Variants in AGAP1 observed in about 807,000 individuals in gnomAD.
AGAP1 encodes the protein arf-GAP with GTPase, ANK repeat and PH domain-containing protein 1.
AGAP1 carries 29 observed loss-of-function variants against 105.3 expected under a neutral mutation model. The ratio of observed to expected loss-of-function variants is 0.28; its 90% CI spans 0.21 to 0.38. The LOEUF (loss-of-function observed/expected upper bound fraction) is 0.38, where lower values mean the gene tolerates loss of function less well. Ranked by LOEUF, AGAP1 falls within the 10% of genes least tolerant of loss-of-function variation. The pLI is 1.00. For synonymous variants in AGAP1, 509 were observed against 485.9 expected, an observed-to-expected ratio of 1.05 and a Z score of -0.63; for missense variants, 998 against 1,165.1, an observed-to-expected ratio of 0.86 and a Z score of 2.09.
In AGAP1 at chr2:236,016,722, G is replaced by A. The variant is rs553919210; in HGVS notation, c.1646-19839G>A. On this transcript the variant is annotated intron_variant, in intron 13 of 17. Transcript: ENST00000304032. ...GGGTGGAGAGCGTGAATTCCTCTCT[G>A]AAATCTGTCAGTACTGGATAGCACT... Among the ~76,000 whole-genome samples the A allele has an allele frequency of 5.3e-5, 8 of 152,242 alleles. No homozygotes were observed. In the East Asian group the frequency reaches 1.5e-3, roughly 29 times the overall value.
chr2:236,056,067 A>G lies in AGAP1; in HGVS notation c.2114+6786A>G, dbSNP rs2058044031. Among the ~76,000 whole-genome samples, 1 of 152,238 alleles carries G rather than the reference A, an allele frequency of 6.6e-6. No individual in the cohort carries two copies. The highest frequency in any genetic ancestry group is 1.5e-5 in the Non-Finnish European group (1 of 68,042). On this transcript the variant is annotated intron_variant, in intron 16 of 17. Transcript: ENST00000304032. The surrounding 1 kb of genome is among the most constrained non-coding windows in gnomAD (Gnocchi z 4.6). ...GCAATGCATCTAGTGAACCTCCACC[A>G]GGGAGCTTGGTGGGAATCCAGGCAA...
intron 11 of AGAP1, among the ~76,000 whole-genome samples, chr2:235,924,309 G>T (rs1042243389): frequency 2.6e-5 from 4 of 152,024 alleles, no homozygotes; most frequent in Admixed American, 1.3e-4. Context: ...GCAGCGGTGG[G>T]CTCCCTGACC....
At chr2:235,909,304 A>T (rs1367194662) in intron 11 of AGAP1, among the ~76,000 whole-genome samples, 1 of 152,188 alleles carries the variant, frequency 6.6e-6, no homozygotes, top group African/African-American at 2.4e-5. Flanking sequence ...TTCAGAGGAA[A>T]CCATTTGACC....
chr2:236,084,925 A>AT (rs1308573454), intron 16 of AGAP1, among the ~76,000 whole-genome samples: 1 of 151,162 alleles, frequency 6.6e-6, no homozygotes, highest in Non-Finnish European at 1.5e-5. Context: ...ATAAAATAAG[A>AT]TTTTTTAGGC....
Position 235,549,402 on chromosome 2 carries a change from C to A in AGAP1, c.163+54553C>A, listed in dbSNP as rs1157677624. ...TCCTGTCAGAGGACCCCAGAGAGCT[C>A]CCCCAGCTACTTGGAGAGATGCTGT... On this transcript the variant is annotated intron_variant, in intron 1 of 17. Transcript: ENST00000304032. The surrounding 1 kb of genome is among the most constrained non-coding windows in gnomAD (Gnocchi z 4.2). Among the ~76,000 whole-genome samples the A allele has an allele frequency of 6.6e-6, 1 of 152,110 alleles. No homozygotes were observed. Among genetic ancestry groups the A allele is most frequent in the African/African-American group, 2.4e-5 (1 of 41,430 alleles).
chr2:235,935,331 T>G (rs534521179), intron 12 of AGAP1, among the ~76,000 whole-genome samples: 1 of 152,308 alleles, frequency 6.6e-6, no homozygotes, highest in East Asian at 1.9e-4. Context: ...CTGAGCGTAA[T>G]TTTTTAAATG....
Position 235,979,903 on chromosome 2 carries a change from A to G in AGAP1, c.1645+11280A>G, listed in dbSNP as rs544417678. Among the ~76,000 whole-genome samples, 3 of 152,310 alleles carry G rather than the reference A, an allele frequency of 2.0e-5. No homozygotes were observed. Among genetic ancestry groups the G allele is most frequent in the Non-Finnish European group, 4.4e-5 (3 of 68,026 alleles). On this transcript the variant is annotated intron_variant, in intron 13 of 17. Coordinates refer to ENST00000304032, the MANE Select transcript of AGAP1 (RefSeq NM_001037131.3). The surrounding 1 kb of genome is among the most constrained non-coding windows in gnomAD (Gnocchi z 4.5). ...TCTTAAAAGTGCCTTTCTAGTTGCC[A>G]CACAGTGATGTGATCATTATCTGCC...
intron 1 of AGAP1, among the ~76,000 whole-genome samples, chr2:235,678,474 G>T (rs1418798851): frequency 2.0e-5 from 3 of 152,308 alleles, no homozygotes; most frequent in Admixed American, 2.0e-4. Flanking sequence ...ATTCTGCTTT[G>T]GAAGAAGCTG....
intron 1 of AGAP1, among the ~76,000 whole-genome samples, chr2:235,619,319 G>T (rs895269954): frequency 3.3e-5 from 5 of 152,032 alleles, no homozygotes; most frequent in Non-Finnish European, 5.9e-5. Context: ...ATCATGAAGT[G>T]GGGGAGCTGG....
At chr2:235,839,986 A>G (rs949899679) in intron 9 of AGAP1, among the ~76,000 whole-genome samples, 2 of 152,242 alleles carry the variant, frequency 1.3e-5, no homozygotes, top group African/African-American at 4.8e-5. Context: ...GAAAATTAAA[A>G]TCTGAAATAA....
At chr2:235,592,129 A>T (rs941101465) in intron 1 of AGAP1, among the ~76,000 whole-genome samples, 7 of 152,238 alleles carry the variant, frequency 4.6e-5, no homozygotes, top group Admixed American at 3.3e-4. Flanking sequence ...GCTTGCCTGG[A>T]CAGCGCCCTG....
chr2:235,580,526 G>T (rs182351510), intron 1 of AGAP1, among the ~76,000 whole-genome samples: 1 of 152,080 alleles, frequency 6.6e-6, no homozygotes, highest in African/African-American at 2.4e-5. Context: ...AGGTAGAGTC[G>T]AGTGTATCTG....
chr2:236,008,533 G>A (rs2056401922), intron 13 of AGAP1, among the ~76,000 whole-genome samples: 1 of 152,180 alleles, frequency 6.6e-6, no homozygotes, highest in African/African-American at 2.4e-5. Flanking sequence ...TCTTGGTGTT[G>A]TACTGAAATA....
chr2:235,521,911 A>T (rs1036558576), intron 1 of AGAP1, among the ~76,000 whole-genome samples: 2 of 152,192 alleles, frequency 1.3e-5, no homozygotes, highest in African/African-American at 4.8e-5. Context: ...TAGTTTCGCT[A>T]AAGGTTGCCA....
At chr2:235,804,632 G>A (rs1479752690) in intron 8 of AGAP1, among the ~76,000 whole-genome samples, 2 of 152,192 alleles carry the variant, frequency 1.3e-5, no homozygotes, top group African/African-American at 4.8e-5. Context: ...GTCCTCCATG[G>A]CTTCTCTCAC....
At position 236,050,968 on chromosome 2, in the gene AGAP1, G is replaced by A. The variant is rs2057878045; in HGVS notation, c.2114+1687G>A. On this transcript the variant is annotated intron_variant, in intron 16 of 17. Coordinates refer to ENST00000304032, the MANE Select transcript of AGAP1 (RefSeq NM_001037131.3). The surrounding 1 kb of genome is among the most constrained non-coding windows in gnomAD (Gnocchi z 4.0). Reference sequence around the variant, plus strand: ...GCATCCTTGAATTAAGTTCTTGAGTGCAGAGCCCTGTCTTTTTTCCAGTGT... The same window carrying A: ...GCATCCTTGAATTAAGTTCTTGAGTACAGAGCCCTGTCTTTTTTCCAGTGT... Among the ~76,000 whole-genome samples the A allele has an allele frequency of 6.6e-6, 1 of 152,180 alleles. No homozygotes were observed. The highest frequency in any genetic ancestry group is 1.5e-5 in the Non-Finnish European group (1 of 68,040).
At position 235,866,068 on chromosome 2, in the gene AGAP1, C is replaced by T. The variant is rs2049155998; in HGVS notation, c.1051-17277C>T. 6.6e-6 allele frequency among the ~76,000 whole-genome samples: 1 copy of T among 152,124 alleles called. No homozygotes were observed. The highest frequency in any genetic ancestry group is 6.5e-5 in the Admixed American group (1 of 15,270). Reference sequence around the variant, plus strand: ...CACACTTGATTTTTTTCTGCTAAACCCTACGTCTTGCAGTATATGGGTCAC... The same window carrying T: ...CACACTTGATTTTTTTCTGCTAAACTCTACGTCTTGCAGTATATGGGTCAC... On this transcript the variant is annotated intron_variant, in intron 9 of 17. Transcript: ENST00000304032. This position sits in a 1 kb window ranked among gnomAD's most constrained non-coding sequence, Gnocchi z 6.1.
Position 235,882,610 on chromosome 2 carries a change from C to A in AGAP1, c.1051-735C>A, listed in dbSNP as rs1575687175. The A allele has an allele frequency of 7.2e-6, 3 of 418,778 alleles. No homozygotes were observed. The highest frequency in any genetic ancestry group is 5.4e-5 in the South Asian group (2 of 37,212). 25.9% of individuals were successfully genotyped at this position (418,778 alleles called of 1,614,324 possible). The stretch of plus-strand genomic sequence containing the variant: ...CCCCGAGTAGCTGGGATTATAGGTG[C>A]CCACCACTGCGTCCAGCTAATTTTT... On this transcript the variant is annotated intron_variant, in intron 9 of 17. Transcript: ENST00000304032. This position sits in a 1 kb window ranked among gnomAD's most constrained non-coding sequence, Gnocchi z 4.6.
At position 235,882,933 on chromosome 2, in the gene AGAP1, C is replaced by A. The variant is rs1461458501; in HGVS notation, c.1051-412C>A. On this transcript the variant is annotated intron_variant, in intron 9 of 17. Coordinates refer to ENST00000304032, the MANE Select transcript of AGAP1 (RefSeq NM_001037131.3). The surrounding 1 kb of genome is among the most constrained non-coding windows in gnomAD (Gnocchi z 4.6). ...GCTCAAGAGATCCTCCCACCTCAAC[C>A]CCCCACGTAACTGGGATTACAGAAG... 6.6e-6 allele frequency among the ~76,000 whole-genome samples: 1 copy of A among 152,122 alleles called. No individual in the cohort carries two copies. Among genetic ancestry groups the A allele is most frequent in the Non-Finnish European group, 1.5e-5 (1 of 68,024 alleles).
Sources: gnomAD v4.1 joint callset for allele counts (sites outside exome capture counted in the v4.1 genomes callset) on GRCh38, gnomAD v4.1.1 for gene constraint, Gnocchi (gnomAD v3.1) non-coding constraint, MANE v1.5 for transcripts, NCBI Gene and HGNC (gene_info 2026-07-23, HGNC 2026-07-21) for gene names.